NRXN3: variants seen among roughly 807,000 people sequenced by gnomAD.
NRXN3 encodes neurexin 3, also known as neurexin III.
Under a neutral mutation model 137.6 loss-of-function variants are expected in NRXN3, and 32 were observed. That is an observed-to-expected ratio of 0.23 (90% CI 0.18 to 0.31). The LOEUF (loss-of-function observed/expected upper bound fraction) is 0.31, where lower values mean the gene tolerates loss of function less well. Ranked by LOEUF, NRXN3 falls within the 10% of genes least tolerant of loss-of-function variation. The pLI, the probability that NRXN3 is intolerant of heterozygous loss-of-function variation, is 1.00. For missense variants in NRXN3, 1,574 were observed against 2,062.5 expected (o/e 0.76, Z 4.59); for synonymous variants, 798 against 784.5 (o/e 1.02, Z -0.29).
At chr14:79,439,366 A>G (rs967172321) in intron 15 of NRXN3, among the ~76,000 whole-genome samples, 1 of 152,208 alleles carries the variant, frequency 6.6e-6, no homozygotes, top group Non-Finnish European at 1.5e-5. Flanking sequence ...TTATGAACAC[A>G]TTTGCCTTGG....
chr14:79,324,234 G>C (rs2090520814), intron 15 of NRXN3, among the ~76,000 whole-genome samples: 1 of 152,204 alleles, frequency 6.6e-6, no homozygotes, highest in Non-Finnish European at 1.5e-5. Flanking sequence ...AAATGATTCT[G>C]TGAAAATTTT....
At chr14:79,069,714 G>A (rs1014833244) in intron 15 of NRXN3, among the ~76,000 whole-genome samples, 8 of 152,226 alleles carry the variant, frequency 5.3e-5, no homozygotes, top group Admixed American at 3.3e-4. Context: ...TGGCCCTGGT[G>A]ATTATATTGT....
At chr14:79,669,223 A>G (rs1040744221) in intron 17 of NRXN3, 8 of 152,136 alleles carry the variant, frequency 5.3e-5, no homozygotes, top group African/African-American at 1.7e-4. Context: ...CTGCAGAGGG[A>G]ATAAGAAGTA....
At chr14:78,933,995 GAAATGC>G (rs930153411) in intron 10 of NRXN3, among the ~76,000 whole-genome samples, 8 of 151,896 alleles carry the variant, frequency 5.3e-5, no homozygotes, top group Non-Finnish European at 1.2e-4. Context: ...GGTTGATGAG[GAAATGC>G]ATTTGTTGAA....
At chr14:79,490,038 CAAAAAAA>C (rs370581169) in intron 16 of NRXN3, among the ~76,000 whole-genome samples, 4 of 72,856 alleles carry the variant, frequency 5.5e-5, no homozygotes, top group African/African-American at 1.5e-4. Context: ...TACTCCATCT[CAAAAAAA>C]AAAAAAAAAA....
intron 8 of NRXN3, among the ~76,000 whole-genome samples, chr14:78,756,278 A>G (rs1156563137): frequency 6.6e-6 from 1 of 152,176 alleles, no homozygotes; most frequent in Admixed American, 6.5e-5. Context: ...ACCTGAGGTC[A>G]AGAGTTTGAG....
At chr14:78,172,786 T>C (rs997155629) in intron 1 of NRXN3, among the ~76,000 whole-genome samples, 1 of 152,036 alleles carries the variant, frequency 6.6e-6, no homozygotes, top group African/African-American at 2.4e-5. Context: ...GAAATAATAA[T>C]TTAAAAAAAA....
intron 15 of NRXN3, among the ~76,000 whole-genome samples, chr14:79,339,623 G>A (rs2092482971): frequency 1.3e-5 from 2 of 152,152 alleles, no homozygotes; most frequent in South Asian, 4.1e-4. Context: ...AATTAGAATT[G>A]TATTTTCATC....
intron 2 of NRXN3, among the ~76,000 whole-genome samples, chr14:78,258,438 G>C (rs1031518833): frequency 1.5e-4 from 23 of 151,358 alleles, no homozygotes; most frequent in African/African-American, 5.4e-4. Context: ...TGGCATTGGC[G>C]GGGGGAGGAT....
intron 4 of NRXN3, among the ~76,000 whole-genome samples, chr14:78,408,621 G>A (rs926982764): frequency 6.6e-6 from 1 of 152,152 alleles, no homozygotes; most frequent in South Asian, 2.1e-4. Context: ...TTGCTGCTTT[G>A]GTTGCAGCCT....
chr14:78,258,380 T>C (rs1316111018), intron 2 of NRXN3, among the ~76,000 whole-genome samples: 2 of 151,542 alleles, frequency 1.3e-5, no homozygotes, highest in African/African-American at 4.9e-5. Flanking sequence ...TTGCAGATCC[T>C]ATAGGACCCT....
At chr14:78,450,464 A>G (rs1295950877) in intron 4 of NRXN3, among the ~76,000 whole-genome samples, 2 of 152,284 alleles carry the variant, frequency 1.3e-5, no homozygotes, top group Non-Finnish European at 2.9e-5. Context: ...AGGACAGGTC[A>G]TTGTGTCATT....
At chr14:79,458,629 A>G (rs956761559) in intron 15 of NRXN3, among the ~76,000 whole-genome samples, 4 of 152,144 alleles carry the variant, frequency 2.6e-5, no homozygotes, top group African/African-American at 9.7e-5. Context: ...CTGGATTTCC[A>G]TTTTGTTTGA....
intron 4 of NRXN3, among the ~76,000 whole-genome samples, chr14:78,594,860 A>C (rs747019252): frequency 3.3e-5 from 5 of 152,248 alleles, no homozygotes; most frequent in Non-Finnish European, 7.3e-5. Context: ...GATCAATTAC[A>C]TAAATAATAA....
At chr14:79,682,386 T>A (rs2098675073) in intron 17 of NRXN3, among the ~76,000 whole-genome samples, 1 of 152,190 alleles carries the variant, frequency 6.6e-6, no homozygotes, top group African/African-American at 2.4e-5. Context: ...ATTGTATGAA[T>A]TCAAGACATA....
chr14:79,383,404 G>T (rs2094524184), intron 15 of NRXN3, among the ~76,000 whole-genome samples: 1 of 152,114 alleles, frequency 6.6e-6, no homozygotes, highest in Admixed American at 6.6e-5. Flanking sequence ...ATTTTACTAT[G>T]AATCCATCAT....
intron 15 of NRXN3, among the ~76,000 whole-genome samples, chr14:79,102,561 T>C (rs1208491343): frequency 6.6e-6 from 1 of 152,172 alleles, no homozygotes; most frequent in Non-Finnish European, 1.5e-5. Flanking sequence ...GTCTAGATAG[T>C]CTTAGTCTTC....
chr14:78,778,117 A>G (rs1405338986), intron 8 of NRXN3, among the ~76,000 whole-genome samples: 2 of 152,234 alleles, frequency 1.3e-5, no homozygotes, highest in Non-Finnish European at 2.9e-5. Flanking sequence ...GAAAATAAAT[A>G]TGATTACATT....
At chr14:78,265,944 T>A (rs958893401) in intron 2 of NRXN3, among the ~76,000 whole-genome samples, 1 of 152,232 alleles carries the variant, frequency 6.6e-6, no homozygotes. Flanking sequence ...GTCTTGTTCA[T>A]CTGCCATCAC....
Sources: allele counts gnomAD v4.1 joint callset (sites outside exome capture counted in the v4.1 genomes callset), GRCh38; gene constraint gnomAD v4.1.1; transcripts MANE v1.5; gene names NCBI Gene and HGNC (gene_info 2026-07-23, HGNC 2026-07-21).